Variants in THSD7B observed in about 807,000 individuals in gnomAD.
THSD7B encodes the protein thrombospondin type 1 domain containing 7B, also known as thrombospondin type-1 domain-containing protein 7B.
In THSD7B, 138 loss-of-function variants were observed where a neutral mutation model predicts 213.6. The observed-to-expected ratio is 0.65, with a 90% CI of 0.56 to 0.74. THSD7B has a LOEUF of 0.74. Among genes scored for constraint, THSD7B ranks in the 30% least tolerant of loss-of-function variants. THSD7B has a pLI of 0.00. For missense variants in THSD7B, 1,931 were observed against 1,991.5 expected (o/e 0.97, Z 0.58); for synonymous variants, 742 against 687.0 (o/e 1.08, Z -1.25).
chr2:137,230,034 A>G (rs1681602170), intron 7 of THSD7B, among the ~76,000 whole-genome samples: 1 of 152,206 alleles, frequency 6.6e-6, no homozygotes, highest in Non-Finnish European at 1.5e-5. Flanking sequence ...TTCAAACAAT[A>G]AATGACGTCA....
intron 2 of THSD7B, among the ~76,000 whole-genome samples, chr2:136,973,652 T>C (rs1487206427): frequency 1.3e-5 from 2 of 152,224 alleles, no homozygotes; most frequent in South Asian, 2.1e-4. Context: ...TGTACTGTTA[T>C]GCCATCTGTA....
intron 22 of THSD7B, 140 bp from the exon 23 acceptor site, chr2:137,656,656 A>T: frequency 1.4e-6 from 1 of 736,674 alleles, no homozygotes; most frequent in South Asian, 3.3e-5. Context: ...TTCTGATTGG[A>T]AAATTGATCA....
At chr2:137,228,503 G>C (rs1225389786) in intron 7 of THSD7B, among the ~76,000 whole-genome samples, 1 of 152,118 alleles carries the variant, frequency 6.6e-6, no homozygotes, top group Non-Finnish European at 1.5e-5. Context: ...TTATGTTTCA[G>C]TCTAGATCAT....
chr2:136,824,416 T>C (rs1278682381), intron 1 of THSD7B, among the ~76,000 whole-genome samples: 1 of 152,090 alleles, frequency 6.6e-6, no homozygotes, highest in East Asian at 1.9e-4. Flanking sequence ...TTTTCTAATA[T>C]GTTAGCTAGG....
intron 4 of THSD7B, among the ~76,000 whole-genome samples, chr2:137,100,132 G>A (rs554860826): frequency 4.6e-5 from 7 of 152,108 alleles, no homozygotes; most frequent in Non-Finnish European, 8.8e-5. Flanking sequence ...AAAACCCTGG[G>A]TATTAGTTGA....
intron 17 of THSD7B, among the ~76,000 whole-genome samples, chr2:137,574,809 AT>A (rs1273005826): frequency 6.6e-6 from 1 of 152,148 alleles, no homozygotes; most frequent in East Asian, 1.9e-4. Flanking sequence ...GTATTGGACA[AT>A]GATAATGAGA....
At chr2:137,469,414 C>T (rs967462490) in intron 15 of THSD7B, among the ~76,000 whole-genome samples, 5 of 152,110 alleles carry the variant, frequency 3.3e-5, no homozygotes, top group South Asian at 4.1e-4. Flanking sequence ...TTCAGAACAT[C>T]GGAAAAATCT....
At chr2:136,879,881 A>C (rs1343041582) in intron 1 of THSD7B, among the ~76,000 whole-genome samples, 2 of 152,206 alleles carry the variant, frequency 1.3e-5, no homozygotes, top group African/African-American at 4.8e-5. Flanking sequence ...GCCATTACAT[A>C]ATGGTAAAGG....
At chr2:137,385,709 C>A (rs1030424056) in intron 12 of THSD7B, among the ~76,000 whole-genome samples, 1 of 152,164 alleles carries the variant, frequency 6.6e-6, no homozygotes, top group Non-Finnish European at 1.5e-5. Flanking sequence ...TCTTCTGGAA[C>A]AGAATCAAGC....
chr2:137,361,367 A>G (rs1175299462), intron 12 of THSD7B, among the ~76,000 whole-genome samples: 2 of 152,208 alleles, frequency 1.3e-5, no homozygotes, highest in Non-Finnish European at 1.5e-5. Context: ...GAACAAAGCT[A>G]GATGAAGAAT....
At chr2:137,626,450 C>A (rs1193536698) in intron 20 of THSD7B, among the ~76,000 whole-genome samples, 3 of 130,554 alleles carry the variant, frequency 2.3e-5, no homozygotes, top group African/African-American at 6.5e-5. Flanking sequence ...GGCAAAAGAG[C>A]GAGACTCTGT....
At chr2:137,030,204 G>A (rs563709464) in intron 2 of THSD7B, among the ~76,000 whole-genome samples, 1 of 152,280 alleles carries the variant, frequency 6.6e-6, no homozygotes, top group Admixed American at 6.5e-5. Flanking sequence ...AGATACTCCA[G>A]GAAGGGACAT....
At chr2:136,936,594 C>T (rs1484727211) in intron 2 of THSD7B, among the ~76,000 whole-genome samples, 1 of 152,146 alleles carries the variant, frequency 6.6e-6, no homozygotes, top group African/African-American at 2.4e-5. Context: ...ATTGTATGTT[C>T]TCACTCATAA....
intron 10 of THSD7B, among the ~76,000 whole-genome samples, chr2:137,271,577 C>A (rs894128420): frequency 6.6e-6 from 1 of 150,516 alleles, no homozygotes; most frequent in African/African-American, 2.4e-5. Flanking sequence ...CCTTCATGAT[C>A]CCTCTTCGGT....
At chr2:137,432,934 C>T (rs1164690618) in intron 14 of THSD7B, among the ~76,000 whole-genome samples, 1 of 152,106 alleles carries the variant, frequency 6.6e-6, no homozygotes, top group Non-Finnish European at 1.5e-5. Flanking sequence ...GTCTTTCTCC[C>T]TTTCTAGATT....
At chr2:136,913,177 G>A (rs959900985) in intron 2 of THSD7B, among the ~76,000 whole-genome samples, 3 of 152,194 alleles carry the variant, frequency 2.0e-5, no homozygotes, top group East Asian at 3.9e-4. Flanking sequence ...TTTTAGCAAA[G>A]AGACTATCGG....
intron 12 of THSD7B, among the ~76,000 whole-genome samples, chr2:137,316,329 C>T (rs1037556055): frequency 2.0e-5 from 3 of 152,196 alleles, no homozygotes; most frequent in African/African-American, 7.2e-5. Flanking sequence ...CTAAAAATAA[C>T]CTCTGAAGCT....
At chr2:137,101,060 G>T (rs1347229403) in intron 4 of THSD7B, among the ~76,000 whole-genome samples, 1 of 152,046 alleles carries the variant, frequency 6.6e-6, no homozygotes, top group African/African-American at 2.4e-5. Context: ...TTTTGAAATG[G>T]ACTCTCCCTC....
At chr2:136,881,026 C>T (rs902409944) in intron 1 of THSD7B, among the ~76,000 whole-genome samples, 11 of 152,154 alleles carry the variant, frequency 7.2e-5, no homozygotes, top group Non-Finnish European at 1.3e-4. Flanking sequence ...ACAGCAACCA[C>T]CAGCCTAATC....
Sources: gnomAD v4.1 joint callset for allele counts (sites outside exome capture counted in the v4.1 genomes callset) on GRCh38, gnomAD v4.1.1 for gene constraint, MANE v1.5 for transcripts, NCBI Gene and HGNC (gene_info 2026-07-23, HGNC 2026-07-21) for gene names.